The following ORC5 variants were observed in gnomAD, a reference collection of about 807,000 sequenced individuals.
The protein encoded by ORC5 is protein phosphatase 1, regulatory subunit 117.
A neutral mutation model predicts 58.8 loss-of-function variants in ORC5; 39 were observed. That is an observed-to-expected ratio of 0.66 (90% CI 0.51 to 0.87). ORC5 has a LOEUF of 0.87. Ranked by LOEUF, ORC5 falls within the 40% of genes least tolerant of loss-of-function variation. The pLI, the probability that ORC5 is intolerant of heterozygous loss-of-function variation, is 0.00. For missense variants in ORC5, 493 were observed against 506.3 expected, an observed-to-expected ratio of 0.97 and a Z score of 0.25; for synonymous variants, 218 against 177.6, an observed-to-expected ratio of 1.23 and a Z score of -1.81.
At chr7:104,205,718 C>T (rs1191840447) in intron 1 of ORC5, among the ~76,000 whole-genome samples, 1 of 152,128 alleles carries the variant, frequency 6.6e-6, no homozygotes, top group Non-Finnish European at 1.5e-5. Context: ...AATTAACTGG[C>T]CCAAAAATTC....
chr7:104,200,004 T>A (rs559909986), intron 3 of ORC5, among the ~76,000 whole-genome samples: 16 of 152,186 alleles, frequency 1.1e-4, no homozygotes, highest in Non-Finnish European at 2.1e-4. Context: ...AGCTTCTCCT[T>A]CCTTCTACTT....
chr7:104,136,785 C>T lies in ORC5; in HGVS notation c.1258G>A (p.Ala420Thr). The stretch of plus-strand genomic sequence containing the variant: ...ACATAATTCAAGACATTTTACCTTG[C>T]AATAGCTCTGATGAAGTCTAGAGAC... The part of the protein sequence containing the change: ...TVSLDFIRAI[A>T]RTVNFDIIKY... Residue 420 changes from alanine (A) to threonine (T), a missense_variant, in exon 13 of 14, where the codon GCA (alanine) becomes ACA (threonine). Transcript: ENST00000297431. The surrounding 1 kb of genome is among the most constrained non-coding windows in gnomAD (Gnocchi z 4.2). 1.2e-6 allele frequency: 2 copies of T among 1,600,058 alleles called. No homozygotes were observed. The highest frequency in any genetic ancestry group is 1.7e-6 in the Non-Finnish European group (2 of 1,167,584).
chr7:104,197,942 A>C, intron 3 of ORC5, 143 bp from the exon 4 acceptor site: 1 of 539,970 alleles, frequency 1.9e-6, no homozygotes, highest in Non-Finnish European at 3.2e-6. Flanking sequence ...AGCTGCATAA[A>C]AGATGATTAA....
intron 5 of ORC5, 80 bp from the exon 6 acceptor site, chr7:104,188,461 A>AT (rs2116006670): frequency 2.7e-6 from 3 of 1,091,492 alleles, no homozygotes; most frequent in Non-Finnish European, 2.6e-6. Context: ...TAACAAAGGT[A>AT]TTAAAAAAAA....
At chr7:104,181,985 T>A (rs1413880064) in intron 8 of ORC5, among the ~76,000 whole-genome samples, 1 of 152,140 alleles carries the variant, frequency 6.6e-6, no homozygotes. Flanking sequence ...AAGGTTATGT[T>A]TCTTTAAAAA....
chr7:104,176,550 A>C (rs538473670), intron 8 of ORC5, among the ~76,000 whole-genome samples: 1 of 152,174 alleles, frequency 6.6e-6, no homozygotes, highest in South Asian at 2.1e-4. Context: ...CTTTAATGTT[A>C]ATGATGGTCA....
intron 12 of ORC5, among the ~76,000 whole-genome samples, chr7:104,145,445 C>G (rs1160650119): frequency 6.6e-6 from 1 of 152,082 alleles, no homozygotes; most frequent in African/African-American, 2.4e-5. Context: ...AAAAAGCTCT[C>G]TAAATAATAA....
intron 8 of ORC5, among the ~76,000 whole-genome samples, chr7:104,180,685 T>C (rs1474220382): frequency 6.6e-6 from 1 of 152,242 alleles, no homozygotes; most frequent in African/African-American, 2.4e-5. Context: ...AAATTTATTT[T>C]GTAAATTGTG....
At chr7:104,165,552 A>G (rs1412221572) in intron 10 of ORC5, 17 of 301,530 alleles carry the variant, frequency 5.6e-5, no homozygotes, top group Non-Finnish European at 1.0e-4. Flanking sequence ...AGAGCTTATT[A>G]TATTGATTTA....
chr7:104,186,331 C>T (rs1282486078), intron 6 of ORC5, among the ~76,000 whole-genome samples: 5 of 151,922 alleles, frequency 3.3e-5, no homozygotes, highest in African/African-American at 9.7e-5. Context: ...CGGAGTTGAT[C>T]GCAGGGTTTG....
In ORC5 at chr7:104,207,965, G is replaced by T. The variant is rs2075218; in HGVS notation, c.-61C>A. On this transcript the variant is annotated 5_prime_UTR_variant, in exon 1 of 14. Coordinates refer to ENST00000297431, the MANE Select transcript of ORC5 (RefSeq NM_002553.4). Reference sequence around the variant, plus strand: ...GCCCACAGGACCCTTGCACAAGACGGAGCCTCTCCCGAGTCTGGCGGCCCA... The same window carrying T: ...GCCCACAGGACCCTTGCACAAGACGTAGCCTCTCCCGAGTCTGGCGGCCCA... 37 of 1,502,196 alleles carry T rather than the reference G, an allele frequency of 2.5e-5. 1 individual carries two copies. The South Asian group carries it at 3.7e-4, about 15-fold the overall frequency. The allele number at this position is 1,502,196 out of a possible 1,614,324, so 93.1% of individuals were successfully genotyped here. A position where few individuals can be genotyped will look rare whatever the true frequency, so the allele number is the denominator to read the frequency against.
intron 12 of ORC5, among the ~76,000 whole-genome samples, chr7:104,153,873 CTA>C (rs1361776103): frequency 3.9e-5 from 6 of 152,026 alleles, no homozygotes; most frequent in Non-Finnish European, 7.4e-5. Flanking sequence ...TTTTTATCTA[CTA>C]GATTTCTAGT....
chr7:104,184,117 A>C lies in ORC5; in HGVS notation c.733+6T>G. On this transcript the variant is annotated splice_donor_region_variant and intron_variant, in intron 7 of 13. Transcript: ENST00000297431. ...TAAATATTAATGAGTAAAATTACAC[A>C]GTTACCTTCTCCTTTAACCACGGGT... 1.3e-6 allele frequency: 2 copies of C among 1,589,924 alleles called. No individual in the cohort carries two copies. The highest frequency in any genetic ancestry group is 8.6e-7 in the Non-Finnish European group (1 of 1,162,678).
At position 104,188,265 on chromosome 7, in the gene ORC5, C is replaced by T; in HGVS notation, c.670G>A (p.Glu224Lys). The T allele has an allele frequency of 1.2e-6, 2 of 1,612,156 alleles. No individual in the cohort carries two copies. The highest frequency in any genetic ancestry group is 8.5e-7 in the Non-Finnish European group (1 of 1,178,870). Residue 224 changes from glutamate to lysine, a missense_variant, in exon 6 of 14, where the codon GAG becomes AAG. By Grantham distance (56) the Glu-to-Lys change is moderately conservative. This residue lies in a region of ORC5 where 412 missense variants were observed against 403.7 expected (regional missense o/e 1.02). Coordinates refer to ENST00000297431, the MANE Select transcript of ORC5 (RefSeq NM_002553.4). ...VFYTVCRDLKELRHLAVLNFP... is the reference protein window; with the variant it reads ...VFYTVCRDLKKLRHLAVLNFP... ...TGTTCATTTACCAGATGTCTGAGCTCTTTCAAATCTCGACAAACAGTGTAG... is the reference window on the plus strand; with the variant it reads ...TGTTCATTTACCAGATGTCTGAGCTTTTTCAAATCTCGACAAACAGTGTAG...
chr7:104,194,212 G>A (rs1267256859), intron 5 of ORC5, among the ~76,000 whole-genome samples: 1 of 149,914 alleles, frequency 6.7e-6, no homozygotes, highest in African/African-American at 2.5e-5. Context: ...TCTATTTTGG[G>A]TTGCTGTTTA....
At chr7:104,182,904 G>A (rs919207495) in intron 8 of ORC5, among the ~76,000 whole-genome samples, 2 of 152,238 alleles carry the variant, frequency 1.3e-5, no homozygotes, top group African/African-American at 4.8e-5. Flanking sequence ...GGAGGCCAAG[G>A]CAGGTGGATC....
chr7:104,177,412 T>C (rs1799344100), intron 8 of ORC5, among the ~76,000 whole-genome samples: 1 of 152,146 alleles, frequency 6.6e-6, no homozygotes, highest in Non-Finnish European at 1.5e-5. Flanking sequence ...TGCTCATATC[T>C]ATAAAAAACT....
intron 12 of ORC5, among the ~76,000 whole-genome samples, chr7:104,160,812 A>C (rs939867559): frequency 6.6e-6 from 1 of 152,168 alleles, no homozygotes; most frequent in Non-Finnish European, 1.5e-5. Context: ...TGATTATTTA[A>C]TTTTAAAAAT....
At chr7:104,152,229 G>T (rs1249324872) in intron 12 of ORC5, among the ~76,000 whole-genome samples, 1 of 152,084 alleles carries the variant, frequency 6.6e-6, no homozygotes, top group African/African-American at 2.4e-5. Context: ...GCCCACTGTA[G>T]TCTTGACCTC....
Sources: allele counts gnomAD v4.1 joint callset (sites outside exome capture counted in the v4.1 genomes callset), GRCh38; gene constraint gnomAD v4.1.1; regional missense constraint gnomAD v4.1.1; non-coding constraint Gnocchi (gnomAD v3.1); transcripts MANE v1.5; gene names NCBI Gene and HGNC (gene_info 2026-07-23, HGNC 2026-07-21).